The following VKORC1L1 variants were observed in gnomAD, a reference collection of about 807,000 sequenced individuals.
VKORC1L1 encodes vitamin K epoxide reductase complex subunit 1-like protein 1.
In VKORC1L1, 2 loss-of-function variants were observed where a neutral mutation model predicts 18.9. That is an observed-to-expected ratio of 0.11 (90% CI 0.04 to 0.33). The LOEUF is 0.33. Ranked by LOEUF, VKORC1L1 falls within the 10% of genes least tolerant of loss-of-function variation. The pLI, the probability that VKORC1L1 is intolerant of heterozygous loss-of-function variation, is 1.00. For missense variants in VKORC1L1, 123 were observed against 224.1 expected (o/e 0.55, Z 2.88); for synonymous variants, 96 against 100.0 (o/e 0.96, Z 0.24).
intron 2 of VKORC1L1, among the ~76,000 whole-genome samples, chr7:65,951,120 G>A (rs1000708190): frequency 1.3e-5 from 2 of 152,158 alleles, no homozygotes; most frequent in African/African-American, 4.8e-5. Flanking sequence ...CTCGCATTTA[G>A]ATGCTTCACG....
In VKORC1L1 at chr7:65,954,440, C is replaced by T. The variant is rs1361616489; in HGVS notation, c.*140C>T. 20 of 1,350,602 alleles carry T rather than the reference C, an allele frequency of 1.5e-5. No individual in the cohort carries two copies. Among genetic ancestry groups the T allele is most frequent in the Admixed American group, 9.3e-5 (3 of 32,400 alleles). The allele number at this position is 1,350,602 out of a possible 1,614,324, so 83.7% of individuals were successfully genotyped here. A position where few individuals can be genotyped will look rare whatever the true frequency, so the allele number is the denominator to read the frequency against. On this transcript the variant is annotated 3_prime_UTR_variant, in exon 3 of 3. Transcript: ENST00000360768. Reference sequence around the variant, plus strand: ...AATCTCAAACTGATTTTTAAAAATCCGGTAAATTAGAAGGGGCCCTCGCTA... The same window carrying T: ...AATCTCAAACTGATTTTTAAAAATCTGGTAAATTAGAAGGGGCCCTCGCTA...
intron 1 of VKORC1L1, among the ~76,000 whole-genome samples, chr7:65,948,385 C>T (rs1362726533): frequency 7.2e-6 from 1 of 139,576 alleles, no homozygotes. Flanking sequence ...AAAACGAATA[C>T]TTTGCCCTAC....
rs1790308061 is a variant in VKORC1L1 at position 65,957,123 on chromosome 7, G to T, written c.*2823G>T. 1 of 152,158 alleles carries T rather than the reference G, an allele frequency of 6.6e-6. No homozygotes were observed. Among genetic ancestry groups the T allele is most frequent in the South Asian group, 2.1e-4 (1 of 4,832 alleles). The allele number at this position is 152,158 out of a possible 1,614,324, so 9.4% of individuals were successfully genotyped here. ...CCAGAATCACTGTTCCTTCATACATGTGTCCTCTCCTTAAATTCATTACTT... is the reference window on the plus strand; with the variant it reads ...CCAGAATCACTGTTCCTTCATACATTTGTCCTCTCCTTAAATTCATTACTT... On this transcript the variant is annotated 3_prime_UTR_variant, in exon 3 of 3. Transcript: ENST00000360768.
intron 1 of VKORC1L1, among the ~76,000 whole-genome samples, chr7:65,929,515 T>C (rs1397567331): frequency 6.6e-6 from 1 of 152,090 alleles, no homozygotes; most frequent in Non-Finnish European, 1.5e-5. Context: ...TTGATTACAG[T>C]AGCTTTACAA....
intron 2 of VKORC1L1, among the ~76,000 whole-genome samples, chr7:65,949,030 A>G (rs1160940424): frequency 3.3e-5 from 5 of 152,190 alleles, no homozygotes; most frequent in African/African-American, 1.2e-4. Flanking sequence ...ATTCCAGGAA[A>G]TTATCACTCC....
intron 1 of VKORC1L1, among the ~76,000 whole-genome samples, chr7:65,911,540 C>T (rs1418271163): frequency 2.6e-5 from 4 of 152,148 alleles, no homozygotes; most frequent in Admixed American, 6.6e-5. Context: ...AATCACTGGT[C>T]GTGCACTTGC....
upstream of VKORC1L1, among the ~76,000 whole-genome samples, chr7:65,868,315 G>GA (rs1485174766): frequency 3.3e-5 from 5 of 150,588 alleles, no homozygotes; most frequent in South Asian, 2.1e-4. Context: ...TTGAAAGTCA[G>GA]AAAAAAAAAG....
At chr7:65,905,915 A>G (rs1789398477) in intron 1 of VKORC1L1, among the ~76,000 whole-genome samples, 1 of 152,138 alleles carries the variant, frequency 6.6e-6, no homozygotes, top group Non-Finnish European at 1.5e-5. Flanking sequence ...AAATTCTATC[A>G]AAATCTCTTT....
chr7:65,902,200 G>C (rs186577362), intron 1 of VKORC1L1, among the ~76,000 whole-genome samples: 64 of 152,272 alleles, frequency 4.2e-4, no homozygotes, highest in Non-Finnish European at 2.8e-4. Context: ...ACTAGATCCA[G>C]AAATGACAGA....
intron 1 of VKORC1L1, among the ~76,000 whole-genome samples, chr7:65,874,038 C>T (rs974141721): frequency 6.6e-6 from 1 of 152,148 alleles, no homozygotes; most frequent in Non-Finnish European, 1.5e-5. Context: ...TTGGGGCCGG[C>T]GCGGAGACAG....
rs368128696 is a variant in VKORC1L1 at position 65,942,842 on chromosome 7, G to A, written c.195-5829G>A. ...TAACATGCTGGGGAAAATGATGTCT[G>A]GACCGTGCAACTTGGTGTTGTGTTA... is the stretch of plus-strand genomic sequence containing the variant. On this transcript the variant is annotated intron_variant, in intron 1 of 2. Coordinates refer to ENST00000360768, the MANE Select transcript of VKORC1L1 (RefSeq NM_173517.6). Among the ~76,000 whole-genome samples the A allele has an allele frequency of 7.0e-4, 106 of 152,124 alleles. 1 individual carries two copies. The highest frequency in any genetic ancestry group is 2.5e-3 in the African/African-American group (103 of 41,536).
the VKORC1L1 span, among the ~76,000 whole-genome samples, chr7:65,866,343 A>G: frequency 1.3e-5 from 2 of 152,204 alleles, no homozygotes; most frequent in South Asian, 2.1e-4. Flanking sequence ...CATTAGCTCA[A>G]AAGTGTTCTT....
intron 1 of VKORC1L1, among the ~76,000 whole-genome samples, chr7:65,890,558 C>A (rs760865492): frequency 3.2e-4 from 49 of 152,320 alleles, no homozygotes; most frequent in Non-Finnish European, 3.2e-4. Context: ...CGTGAGCCAC[C>A]ACATCCAGCC....
upstream of VKORC1L1, among the ~76,000 whole-genome samples, chr7:65,872,918 A>T (rs1788744782): frequency 6.6e-6 from 1 of 151,624 alleles, no homozygotes; most frequent in South Asian, 2.1e-4. Flanking sequence ...CGCTCCTTTA[A>T]GTCCCTCCCG....
intron 1 of VKORC1L1, among the ~76,000 whole-genome samples, chr7:65,916,747 CGCCACCAT>C (rs1364198183): frequency 1.3e-5 from 2 of 151,946 alleles, no homozygotes; most frequent in Non-Finnish European, 2.9e-5. Context: ...TACAGGCCTG[CGCCACCAT>C]GCCTGGCTAA....
At chr7:65,888,654 T>TTC in intron 1 of VKORC1L1, among the ~76,000 whole-genome samples, 1 of 148,370 alleles carries the variant, frequency 6.7e-6, no homozygotes, top group Non-Finnish European at 1.5e-5. Context: ...CAGGGGGGAG[T>TTC]TGACAACCTT....
chr7:65,895,134 C>T (rs1259312124), intron 1 of VKORC1L1, among the ~76,000 whole-genome samples: 1 of 152,038 alleles, frequency 6.6e-6, no homozygotes, highest in Non-Finnish European at 1.5e-5. Flanking sequence ...AAGCTGATGA[C>T]ATCTTCCAGG....
intron 1 of VKORC1L1, among the ~76,000 whole-genome samples, chr7:65,910,407 G>T (rs1268859854): frequency 6.6e-6 from 1 of 151,978 alleles, no homozygotes; most frequent in Non-Finnish European, 1.5e-5. Context: ...TTTCTTTCTG[G>T]TGCAAGCTGC....
intron 1 of VKORC1L1, among the ~76,000 whole-genome samples, chr7:65,947,414 GT>G (rs58878681): frequency 3.5e-3 from 462 of 130,750 alleles, no homozygotes; most frequent in East Asian, 9.4e-3. Flanking sequence ...ACCATAACTG[GT>G]TTTTTTTTTT....
Sources: allele counts gnomAD v4.1 joint callset (sites outside exome capture counted in the v4.1 genomes callset), GRCh38; gene constraint gnomAD v4.1.1; transcripts MANE v1.5; gene names NCBI Gene and HGNC (gene_info 2026-07-23, HGNC 2026-07-21).